Variants in PSMA8 observed in about 807,000 individuals in gnomAD.
PSMA8 encodes the protein proteasome subunit alpha-type 8.
Under a neutral mutation model 32.4 loss-of-function variants are expected in PSMA8, and 18 were observed. The ratio of observed to expected loss-of-function variants is 0.56; its 90% CI spans 0.38 to 0.82. The LOEUF is 0.82. PSMA8 is among the 40% of genes least tolerant of loss of function. The probability of loss-of-function intolerance (pLI) is 0.00; values close to 1 mark genes in which losing one functional copy is unlikely to be tolerated. For missense variants in PSMA8, 298 were observed against 300.7 expected, an observed-to-expected ratio of 0.99 and a Z score of 0.07; for synonymous variants, 104 against 98.1, an observed-to-expected ratio of 1.06 and a Z score of -0.36.
intron 6 of PSMA8, among the ~76,000 whole-genome samples, chr18:26,191,770 A>G (rs2055405039): frequency 6.6e-6 from 1 of 152,172 alleles, no homozygotes; most frequent in South Asian, 2.1e-4. Flanking sequence ...TTGCTGTCTT[A>G]TAGCCGCAAG....
intron 4 of PSMA8, among the ~76,000 whole-genome samples, chr18:26,167,049 A>G (rs143730922): frequency 1.9e-3 from 290 of 152,334 alleles, no homozygotes; most frequent in African/African-American, 6.8e-3. Flanking sequence ...CAAAGCAAAC[A>G]TTGTGTAGGT....
chr18:26,160,111 G>C (rs888098559), intron 4 of PSMA8, among the ~76,000 whole-genome samples: 1 of 152,058 alleles, frequency 6.6e-6, no homozygotes, highest in Non-Finnish European at 1.5e-5. Context: ...AGACCACCCT[G>C]GGCAATGTAA....
chr18:26,168,846 A>AT (rs1238531602), intron 4 of PSMA8, among the ~76,000 whole-genome samples: 1 of 119,080 alleles, frequency 8.4e-6, no homozygotes, highest in Non-Finnish European at 1.6e-5. Context: ...CTTCCCTAAA[A>AT]AGGGCACATG....
chr18:26,151,795 G>A, intron 2 of PSMA8, 63 bp from the exon 3 acceptor site: 1 of 1,485,316 alleles, frequency 6.7e-7, no homozygotes. Context: ...CATTTGACAA[G>A]GAAAAATGTA....
chr18:26,184,500 C>T (rs968435684), intron 6 of PSMA8, among the ~76,000 whole-genome samples: 12 of 150,096 alleles, frequency 8.0e-5, no homozygotes, highest in African/African-American at 2.7e-4. Context: ...TGGCCGGGCG[C>T]GGTGGCTCAC....
rs866290740 is a variant in PSMA8, at chr18:26,141,722, T to C, written c.103-2837T>C. 2.8e-3 allele frequency among the ~76,000 whole-genome samples: 412 copies of C among 147,176 alleles called. 3 individuals are homozygous for C. Among genetic ancestry groups the C allele is most frequent in the African/African-American group, 9.6e-3 (390 of 40,460 alleles). ...TGTTTCTTTCTTTTTTCTTTTTTTTTTTTTTTTTTTTGAGAAAGAGGCAGT... is the reference window on the plus strand; with the variant it reads ...TGTTTCTTTCTTTTTTCTTTTTTTTCTTTTTTTTTTTGAGAAAGAGGCAGT... On this transcript the variant is annotated intron_variant, in intron 1 of 6. Coordinates refer to ENST00000415576, the MANE Select transcript of PSMA8 (RefSeq NM_001025096.2).
In PSMA8 at chr18:26,173,919, G is replaced by T. The variant is rs2055244794; in HGVS notation, c.478-4911G>T. 2.0e-5 allele frequency among the ~76,000 whole-genome samples: 3 copies of T among 151,862 alleles called. No individual in the cohort carries two copies. In the South Asian group the frequency reaches 6.3e-4, roughly 32 times the overall value. ...AGAATTGAACCTTATATACAAGGTGGTCATACGTTATTTAACAAATAAATG... is the reference window on the plus strand; with the variant it reads ...AGAATTGAACCTTATATACAAGGTGTTCATACGTTATTTAACAAATAAATG... On this transcript the variant is annotated intron_variant, in intron 4 of 6. Transcript: ENST00000415576.
chr18:26,176,770 T>A (rs1465316814), intron 4 of PSMA8, among the ~76,000 whole-genome samples: 1 of 151,676 alleles, frequency 6.6e-6, no homozygotes, highest in African/African-American at 2.4e-5. Flanking sequence ...CCATCTCTAC[T>A]AAAAATAAAA....
At chr18:26,190,656 G>GT (rs1408776552) in intron 6 of PSMA8, among the ~76,000 whole-genome samples, 59 of 152,356 alleles carry the variant, frequency 3.9e-4, no homozygotes, top group Middle Eastern at 6.8e-3. Flanking sequence ...TGCTGAGGCG[G>GT]TAGGATGGCT....
chr18:26,154,121 C>T (rs1428048015), intron 3 of PSMA8, among the ~76,000 whole-genome samples: 7 of 152,210 alleles, frequency 4.6e-5, no homozygotes, highest in East Asian at 3.9e-4. Context: ...AGGCTGGTCT[C>T]GAACTCCTGA....
At position 26,155,297 on chromosome 18, in the gene PSMA8, C is replaced by A. The variant is rs537539537; in HGVS notation, c.355-2825C>A. ...GAGTCTTCCCTCTAAGGTATATTTA[C>A]AACAGCTACTTTATACCTAGGTGTG... On this transcript the variant is annotated intron_variant, in intron 3 of 6. Coordinates refer to ENST00000415576, the MANE Select transcript of PSMA8 (RefSeq NM_001025096.2). Among the ~76,000 whole-genome samples, 14 of 152,196 alleles carry A rather than the reference C, an allele frequency of 9.2e-5. No homozygotes were observed. The South Asian group carries it at 2.9e-3, about 32-fold the overall frequency.
chr18:26,159,617 G>T (rs1367971137), intron 4 of PSMA8, among the ~76,000 whole-genome samples: 1 of 151,798 alleles, frequency 6.6e-6, no homozygotes, highest in Non-Finnish European at 1.5e-5. Flanking sequence ...CATTTTCCAG[G>T]TTTACATAAT....
chr18:26,180,425 A>C (rs2055301149), intron 6 of PSMA8, among the ~76,000 whole-genome samples: 1 of 151,988 alleles, frequency 6.6e-6, no homozygotes, highest in Admixed American at 6.6e-5. Context: ...TTTATTATTC[A>C]ACTAACAGAT....
At chr18:26,192,031 A>G (rs1221392493) in intron 6 of PSMA8, among the ~76,000 whole-genome samples, 1 of 152,216 alleles carries the variant, frequency 6.6e-6, no homozygotes, top group Non-Finnish European at 1.5e-5. Context: ...GCCTCGCATT[A>G]AAATGTTTTT....
chr18:26,168,497 T>TG (rs2055197645), intron 4 of PSMA8, among the ~76,000 whole-genome samples: 1 of 125,896 alleles, frequency 7.9e-6, no homozygotes, highest in South Asian at 2.3e-4. Context: ...TGTTTTTTTT[T>TG]TTTTTTTTTT....
rs1363879797 is a variant in PSMA8, at chr18:26,151,954, T to C, written c.326T>C (p.Ile109Thr). 3.6e-5 allele frequency: 58 copies of C among 1,605,006 alleles called. No homozygotes were observed. Among genetic ancestry groups the C allele is most frequent in the African/African-American group, 5.4e-5 (4 of 74,498 alleles). Reference protein sequence around the residue: ...TVEDPVTVEYITRFIATLKQK... With the variant: ...TVEDPVTVEYTTRFIATLKQK... ...GAGGACCCAGTCACTGTAGAATACA[T>C]AACTCGCTTCATAGCAACTTTAAAG... The change falls in exon 3 of 7, where the codon ATA becomes ACA. Residue 109 changes from isoleucine (I) to threonine (T), a missense_variant. By Grantham distance (89) the Ile-to-Thr change is moderately conservative. Transcript: ENST00000415576.
Position 26,144,561 on chromosome 18 carries a change from C to A in PSMA8, c.105C>A (p.Val35=). The A allele has an allele frequency of 1.9e-6, 3 of 1,611,214 alleles. No individual in the cohort carries two copies. The highest frequency in any genetic ancestry group is 2.2e-5 in the South Asian group (2 of 90,810). ...QEAVKKGSTA[V]GIRGTNIVVL... ...TATGTATTTTAATGACTTGACAGGT[C>A]GGAATTCGAGGTACCAATATAGTTG... The change falls in exon 2 of 7, where the codon GTC becomes GTA. Residue 35 remains valine, a splice_region_variant and synonymous_variant. Coordinates refer to ENST00000415576, the MANE Select transcript of PSMA8 (RefSeq NM_001025096.2).
chr18:26,180,711 C>T (rs2055304160), intron 6 of PSMA8, among the ~76,000 whole-genome samples: 1 of 151,956 alleles, frequency 6.6e-6, no homozygotes, highest in Non-Finnish European at 1.5e-5. Context: ...CACACACACA[C>T]ACACACACAC....
intron 6 of PSMA8, among the ~76,000 whole-genome samples, chr18:26,183,011 G>A (rs1053011383): frequency 1.3e-5 from 2 of 151,086 alleles, no homozygotes; most frequent in African/African-American, 4.9e-5. Flanking sequence ...AGAATTGCTT[G>A]AACCCAGGAG....
Sources: gnomAD v4.1 joint callset for allele counts (sites outside exome capture counted in the v4.1 genomes callset) on GRCh38, gnomAD v4.1.1 for gene constraint, MANE v1.5 for transcripts, NCBI Gene and HGNC (gene_info 2026-07-23, HGNC 2026-07-21) for gene names.